Variants in SKIL observed in about 807,000 individuals in gnomAD.
SKIL encodes SKI like proto-oncogene, also known as ski-like protein.
Under a neutral mutation model 69.6 loss-of-function variants are expected in SKIL, and 20 were observed. That is an observed-to-expected ratio of 0.29 (90% CI 0.20 to 0.42). The LOEUF (loss-of-function observed/expected upper bound fraction) is 0.42, where lower values mean the gene tolerates loss of function less well. Among genes scored for constraint, SKIL ranks in the 10% least tolerant of loss-of-function variants. The probability of loss-of-function intolerance (pLI) is 1.00; values close to 1 mark genes in which losing one functional copy is unlikely to be tolerated. For missense variants in SKIL, 745 were observed against 783.1 expected, an observed-to-expected ratio of 0.95 and a Z score of 0.58; for synonymous variants, 310 against 279.9, an observed-to-expected ratio of 1.11 and a Z score of -1.08.
intron 2 of SKIL, among the ~76,000 whole-genome samples, chr3:170,371,500 C>CT (rs1038307873): frequency 6.6e-6 from 1 of 152,102 alleles, no homozygotes; most frequent in African/African-American, 2.4e-5. Context: ...GAGTGAGACT[C>CT]TGTCTCAAAA....
chr3:170,387,446 A>T (rs1290323316), intron 4 of SKIL, among the ~76,000 whole-genome samples: 3 of 152,008 alleles, frequency 2.0e-5, no homozygotes, highest in Admixed American at 1.3e-4. Context: ...GTGGCTTTTC[A>T]TGTCTGGTCA....
intron 2 of SKIL, among the ~76,000 whole-genome samples, chr3:170,377,097 A>C (rs1655432029): frequency 2.0e-5 from 3 of 152,198 alleles, no homozygotes; most frequent in Non-Finnish European, 4.4e-5. Flanking sequence ...CTGTTGCCAG[A>C]AGTCAGTTCC....
At chr3:170,386,031 A>G (rs1196457808) in intron 4 of SKIL, among the ~76,000 whole-genome samples, 2 of 151,598 alleles carry the variant, frequency 1.3e-5, no homozygotes, top group Non-Finnish European at 2.9e-5. Flanking sequence ...ACCTCAGGTG[A>G]TCCGCCTGCC....
chr3:170,358,238 G>A (rs1248010327), intron 1 of SKIL, among the ~76,000 whole-genome samples: 3 of 152,100 alleles, frequency 2.0e-5, no homozygotes, highest in Non-Finnish European at 4.4e-5. Context: ...CAGCATTAGG[G>A]GCGCTGAGGT....
chr3:170,384,141 C>G (rs540838082), intron 3 of SKIL, among the ~76,000 whole-genome samples: 1 of 151,644 alleles, frequency 6.6e-6, no homozygotes, highest in East Asian at 1.9e-4. Context: ...TCACTTGAGC[C>G]CAGGAGTTCA....
chr3:170,396,104 T>C lies in SKIL; in HGVS notation c.*3687T>C, dbSNP rs1004667405. 1 of 151,696 alleles carries C rather than the reference T, an allele frequency of 6.6e-6. No homozygotes were observed. The highest frequency in any genetic ancestry group is 6.6e-5 in the Admixed American group (1 of 15,214). 9.4% of individuals were successfully genotyped at this position (151,696 alleles called of 1,614,324 possible). ...TATTTAGTAATAGAATTAAATGTCC[T>C]ATGTAGTGCTACAATTTTTGAATTA... On this transcript the variant is annotated 3_prime_UTR_variant, in exon 7 of 7. Transcript: ENST00000259119.
chr3:170,360,380 A>C lies in SKIL; in HGVS notation c.49A>C (p.Lys17Gln), dbSNP rs970909649. The change falls in exon 2 of 7, where the codon AAA becomes CAA. Residue 17 changes from lysine to glutamine, a missense_variant. Physicochemically the swap from Lys to Gln is moderately conservative, Grantham distance 53. Coordinates refer to ENST00000259119, the MANE Select transcript of SKIL (RefSeq NM_005414.5). ...CTCCTTGGTTCAGGGCTCAACTAAA[A>C]AACTGAATGGGATGGGAGATGATGG... The part of the protein sequence containing the change: ...NFSLVQGSTK[K>Q]LNGMGDDGSP... The C allele has an allele frequency of 6.2e-7, 1 of 1,600,270 alleles. No individual in the cohort carries two copies. The highest frequency in any genetic ancestry group is 1.3e-5 in the African/African-American group (1 of 74,440).
Position 170,388,361 on chromosome 3 carries a change from T to C in SKIL, c.1430-1862T>C, listed in dbSNP as rs116006138. Among the ~76,000 whole-genome samples, 824 of 151,692 alleles carry C rather than the reference T, an allele frequency of 5.4e-3. 5 individuals carry two copies. Among genetic ancestry groups the C allele is most frequent in the African/African-American group, 0.019 (791 of 41,420 alleles). On this transcript the variant is annotated intron_variant, in intron 4 of 6. Coordinates refer to ENST00000259119, the MANE Select transcript of SKIL (RefSeq NM_005414.5). The stretch of plus-strand genomic sequence containing the variant: ...ATTTTAATGCTAGGTTGTTTTACTA[T>C]TGAGTTGTAAGAGTTCTTTATATAT...
chr3:170,384,588 G>T lies in SKIL; in HGVS notation c.1252G>T (p.Ala418Ser). 1 of 1,612,958 alleles carries T rather than the reference G, an allele frequency of 6.2e-7. No individual in the cohort carries two copies. Among genetic ancestry groups the T allele is most frequent in the Non-Finnish European group, 8.5e-7 (1 of 1,179,208 alleles). Reference sequence around the variant, plus strand: ...TGCCCCAAATGTGTCACTTACTTCTGCTGTATCCCAGTCTAAAGAGCTCAC... The same window carrying T: ...TGCCCCAAATGTGTCACTTACTTCTTCTGTATCCCAGTCTAAAGAGCTCAC... ...VVAPNVSLTS[A>S]VSQSKELTKT... Residue 418 changes from alanine to serine, a missense_variant, in exon 4 of 7, where the codon GCT (alanine) becomes TCT (serine). Coordinates refer to ENST00000259119, the MANE Select transcript of SKIL (RefSeq NM_005414.5).
chr3:170,378,830 C>T (rs978665168), intron 2 of SKIL, among the ~76,000 whole-genome samples: 14 of 149,574 alleles, frequency 9.4e-5, no homozygotes, highest in African/African-American at 2.9e-4. Context: ...CTGCTGCACC[C>T]GACCAGAATT....
At position 170,394,982 on chromosome 3, in the gene SKIL, G is replaced by A. The variant is rs759659613; in HGVS notation, c.*2565G>A. 2.0e-5 allele frequency: 3 copies of A among 151,998 alleles called. No homozygotes were observed. Among genetic ancestry groups the A allele is most frequent in the Non-Finnish European group, 4.4e-5 (3 of 67,968 alleles). 9.4% of individuals were successfully genotyped at this position (151,998 alleles called of 1,614,324 possible). On this transcript the variant is annotated 3_prime_UTR_variant, in exon 7 of 7. Transcript: ENST00000259119. The stretch of plus-strand genomic sequence containing the variant: ...TGTGTGCCAAATTCACTAGGCAAGC[G>A]GATTTTTCCTCAGACTTCAAAAAAT...
chr3:170,387,200 A>G (rs536589805), intron 4 of SKIL, among the ~76,000 whole-genome samples: 1 of 152,082 alleles, frequency 6.6e-6, no homozygotes, highest in Admixed American at 6.5e-5. Flanking sequence ...TTGTATTATT[A>G]GTAAGAGACA....
chr3:170,381,445 T>A (rs1737342574), intron 3 of SKIL, 104 bp downstream of exon 3: 4 of 660,254 alleles, frequency 6.1e-6, no homozygotes, highest in African/African-American at 1.8e-5. Context: ...TTATTTATTT[T>A]TTTTGGTGGC....
At chr3:170,385,160 C>T (rs1033067694) in intron 4 of SKIL, 1 of 158,242 alleles carries the variant, frequency 6.3e-6, no homozygotes, top group Admixed American at 6.1e-5. Flanking sequence ...GTCACTGCAG[C>T]CTCAACCTTT....
rs186670778 is a variant in SKIL at position 170,371,298 on chromosome 3, C to T, written c.1098+9869C>T. ...GACAGATGATTTGAGGTCAGGAGTT[C>T]GAGACCAGCCTGGCCAACATGGTGA... is the stretch of plus-strand genomic sequence containing the variant. On this transcript the variant is annotated intron_variant, in intron 2 of 6. Transcript: ENST00000259119. 2.6e-3 allele frequency among the ~76,000 whole-genome samples: 396 copies of T among 151,994 alleles called. 1 individual carries two copies. Among genetic ancestry groups the T allele is most frequent in the African/African-American group, 9.1e-3 (378 of 41,476 alleles).
rs1001783456 is a variant in SKIL at position 170,368,308 on chromosome 3, A to C, written c.1098+6879A>C. On this transcript the variant is annotated intron_variant, in intron 2 of 6. Coordinates refer to ENST00000259119, the MANE Select transcript of SKIL (RefSeq NM_005414.5). Reference sequence around the variant, plus strand: ...TGAATACTTTTGTCTAACTTTCTAAAATTAGTAACTGTTCCCACTAGTTTA... The same window carrying C: ...TGAATACTTTTGTCTAACTTTCTAACATTAGTAACTGTTCCCACTAGTTTA... Among the ~76,000 whole-genome samples the C allele has an allele frequency of 8.5e-5, 13 of 152,340 alleles. No individual in the cohort carries two copies. In the East Asian group the frequency reaches 1.5e-3, roughly 18 times the overall value.
Position 170,374,451 on chromosome 3 carries a change from A to G in SKIL, c.1099-6793A>G, listed in dbSNP as rs183725504. 5.6e-4 allele frequency among the ~76,000 whole-genome samples: 85 copies of G among 152,336 alleles called. 1 individual carries two copies. In the East Asian group the frequency reaches 0.016, roughly 28 times the overall value. On this transcript the variant is annotated intron_variant, in intron 2 of 6. Coordinates refer to ENST00000259119, the MANE Select transcript of SKIL (RefSeq NM_005414.5). ...ACTTCTTTGGCAAGTTATATAATGTATTGTATTTTAAAATTTAAATACACA... is the reference window on the plus strand; with the variant it reads ...ACTTCTTTGGCAAGTTATATAATGTGTTGTATTTTAAAATTTAAATACACA...
At chr3:170,388,031 A>G (rs1463955294) in intron 4 of SKIL, among the ~76,000 whole-genome samples, 1 of 146,582 alleles carries the variant, frequency 6.8e-6, no homozygotes, top group African/African-American at 2.5e-5. Flanking sequence ...TTTGGTATGT[A>G]TTTAGGAGTG....
intron 2 of SKIL, among the ~76,000 whole-genome samples, chr3:170,366,276 TTTAATG>T (rs1736507271): frequency 6.6e-6 from 1 of 152,094 alleles, no homozygotes; most frequent in Non-Finnish European, 1.5e-5. Flanking sequence ...ATTAATACAT[TTTAATG>T]TTAATAAGTT....
Sources: gnomAD v4.1 joint callset for allele counts (sites outside exome capture counted in the v4.1 genomes callset) on GRCh38, gnomAD v4.1.1 for gene constraint, MANE v1.5 for transcripts, NCBI Gene and HGNC (gene_info 2026-07-23, HGNC 2026-07-21) for gene names.